SP140: variants seen among roughly 807,000 people sequenced by gnomAD.
The protein encoded by SP140 is SP140 nuclear body protein, also known as nuclear body protein SP140.
In SP140, 81 loss-of-function variants were observed where a neutral mutation model predicts 125.0. The observed-to-expected ratio is 0.65, with a 90% CI of 0.54 to 0.78. The LOEUF is 0.78. Ranked by LOEUF, SP140 falls within the 30% of genes least tolerant of loss-of-function variation. The probability of loss-of-function intolerance (pLI) is 0.00; values close to 1 mark genes in which losing one functional copy is unlikely to be tolerated. For synonymous variants in SP140, 312 were observed against 354.0 expected, an observed-to-expected ratio of 0.88 and a Z score of 1.33; for missense variants, 858 against 1,037.0, an observed-to-expected ratio of 0.83 and a Z score of 2.37.
intron 1 of SP140, chr2:230,213,026 A>G (rs1480935700): frequency 5.0e-6 from 8 of 1,613,784 alleles, no homozygotes; most frequent in Non-Finnish European, 5.9e-6. Context: ...AGGAAGCACC[A>G]ACTGGGATTG....
At chr2:230,210,620 G>A (rs1238484008) in intron 1 of SP140, among the ~76,000 whole-genome samples, 1 of 152,192 alleles carries the variant, frequency 6.6e-6, no homozygotes, top group Non-Finnish European at 1.5e-5. Flanking sequence ...GTGCTTGCTA[G>A]CACCTGTTAA....
At chr2:230,310,712 G>T in intron 23 of SP140, 31 bp from the exon 24 acceptor site, 2 of 1,433,862 alleles carry the variant, frequency 1.4e-6, no homozygotes, top group South Asian at 1.3e-5. Flanking sequence ...CAAGCTCCCT[G>T]CCCTCTGCTC....
downstream of SP140, among the ~76,000 whole-genome samples, chr2:230,315,736 G>C (rs913180886): frequency 6.6e-6 from 1 of 152,120 alleles, no homozygotes; most frequent in African/African-American, 2.4e-5. Context: ...ATAGAGATTA[G>C]TGCCACCTAC....
At chr2:230,248,839 G>T in intron 8 of SP140, 46 bp from the exon 9 acceptor site, 1 of 1,503,066 alleles carries the variant, frequency 6.7e-7, no homozygotes, top group Non-Finnish European at 9.3e-7. Flanking sequence ...TGAGGCCTGT[G>T]TCCAAGTCAC....
chr2:230,248,520 A>G (rs1472541374), intron 8 of SP140, among the ~76,000 whole-genome samples: 1 of 152,206 alleles, frequency 6.6e-6, no homozygotes, highest in African/African-American at 2.4e-5. Context: ...ACAGCATGGA[A>G]ATAGAGCCTG....
At chr2:230,259,407 G>C (rs1242131522) in intron 12 of SP140, among the ~76,000 whole-genome samples, 1 of 151,966 alleles carries the variant, frequency 6.6e-6, no homozygotes, top group Non-Finnish European at 1.5e-5. Flanking sequence ...GCCGGGCACG[G>C]TGGCTCACGC....
Position 230,237,242 on chromosome 2 carries a change from C to T in SP140, c.219C>T (p.Ile73=). 3 of 1,612,082 alleles carry T rather than the reference C, an allele frequency of 1.9e-6. No individual in the cohort carries two copies. The highest frequency in any genetic ancestry group is 2.5e-6 in the Non-Finnish European group (3 of 1,179,390). The change falls in exon 2 of 27, where the codon ATC becomes ATT. Residue 73 remains isoleucine (I), a synonymous_variant. Coordinates refer to ENST00000392045, the MANE Select transcript of SP140 (RefSeq NM_007237.5). This position sits in a 1 kb window ranked among gnomAD's most constrained non-coding sequence, Gnocchi z 5.4. ...FLMGLRDRSF[I]SEQMYEHFQE... ...TGGGCCTCCGAGACCGCTCCTTCAT[C>T]TCCGAGCAGATGTATGAAGTAAGTA...
At position 230,234,197 on chromosome 2, in the gene SP140, G is replaced by A. The variant is rs141104005; in HGVS notation, c.60-2886G>A. On this transcript the variant is annotated intron_variant, in intron 1 of 26. Transcript: ENST00000392045. ...GAACAAACAATTCCCAAATCTCAAC[G>A]GGTCACCAGCCCTCTGCACAGAGGA... is the stretch of plus-strand genomic sequence containing the variant. Among the ~76,000 whole-genome samples the A allele has an allele frequency of 9.5e-3, 1,453 of 152,238 alleles. 18 individuals are homozygous for A. The highest frequency in any genetic ancestry group is 0.032 in the African/African-American group (1,335 of 41,520).
intron 1 of SP140, among the ~76,000 whole-genome samples, chr2:230,227,818 G>A (rs60232929): frequency 0.35 from 52,809 of 151,902 alleles, 9,310 homozygotes; most frequent in South Asian, 0.4. Flanking sequence ...TTCTTTGTTA[G>A]GCTGGCTAGA....
chr2:230,267,772 G>A (rs1236862529), intron 12 of SP140, among the ~76,000 whole-genome samples: 1 of 152,212 alleles, frequency 6.6e-6, no homozygotes, highest in African/African-American at 2.4e-5. Flanking sequence ...GAATGAAGCA[G>A]AAACTGAAAA....
At chr2:230,269,468 T>C in intron 12 of SP140, 64 bp from the exon 13 acceptor site, 1 of 1,022,776 alleles carries the variant, frequency 9.8e-7, no homozygotes, top group Non-Finnish European at 1.6e-6. Flanking sequence ...ATAGCAGCAC[T>C]GGAAACTCTT....
the SP140 span, among the ~76,000 whole-genome samples, chr2:230,194,246 AAG>A: frequency 6.6e-6 from 1 of 152,122 alleles, no homozygotes; most frequent in Non-Finnish European, 1.5e-5. Context: ...TACAGAATCC[AAG>A]AGAATCCCCA....
rs775084074 is a variant in SP140 at position 230,225,925 on chromosome 2, C to T, written c.59+22C>T. ...TCAGGTGGGTCATCGTCTCCTTTCC[C>T]GTCTGTCCTTCATCTCTGGTAGGGT... On this transcript the variant is annotated intron_variant, in intron 1 of 26. Transcript: ENST00000392045. 8 of 1,605,572 alleles carry T rather than the reference C, an allele frequency of 5.0e-6. No individual in the cohort carries two copies. The East Asian group carries it at 6.7e-5, about 13-fold the overall frequency.
In SP140 at chr2:230,225,756, A is replaced by T. The variant is rs1243867905; in HGVS notation, c.-89A>T. On this transcript the variant is annotated 5_prime_UTR_variant, in exon 1 of 27. Transcript: ENST00000392045. The stretch of plus-strand genomic sequence containing the variant: ...CTTTTCTTTTCCTCTTTGACTGAGC[A>T]CCGAGGGGCAGTTGGCAGCTTCACC... The T allele has an allele frequency of 2.8e-6, 3 of 1,083,606 alleles. No homozygotes were observed. The highest frequency in any genetic ancestry group is 4.3e-6 in the Non-Finnish European group (3 of 696,414). The allele number at this position is 1,083,606 out of a possible 1,614,324, so 67.1% of individuals were successfully genotyped here. A position where few individuals can be genotyped will look rare whatever the true frequency, so the allele number is the denominator to read the frequency against.
Position 230,245,916 on chromosome 2 carries a change from A to G in SP140, c.718A>G (p.Lys240Glu). 1 of 1,603,480 alleles carries G rather than the reference A, an allele frequency of 6.2e-7. No individual in the cohort carries two copies. Among genetic ancestry groups the G allele is most frequent in the Non-Finnish European group, 8.5e-7 (1 of 1,170,374 alleles). Reference protein sequence around the residue: ...IDEGESEEMPKLLPYDTEVLE... With the variant: ...IDEGESEEMPELLPYDTEVLE... Reference sequence around the variant, plus strand: ...TGAAGGAGAATCAGAAGAAATGCCCAAGTTACTGCCTTATGATACAGAAGG... The same window carrying G: ...TGAAGGAGAATCAGAAGAAATGCCCGAGTTACTGCCTTATGATACAGAAGG... The change falls in exon 7 of 27, where the codon AAG becomes GAG. Residue 240 changes from lysine to glutamate, a missense_variant. Transcript: ENST00000392045.
At chr2:230,195,793 C>T in the SP140 span, among the ~76,000 whole-genome samples, 1 of 151,744 alleles carries the variant, frequency 6.6e-6, no homozygotes, top group Non-Finnish European at 1.5e-5. Context: ...AGGAGCAGGA[C>T]TGAAAAAAAC....
rs1443747649 is a variant in SP140 at position 230,211,610 on chromosome 2, G to A, written c.-322-2044G>A. 7 of 1,016,596 alleles carry A rather than the reference G, an allele frequency of 6.9e-6. No individual in the cohort carries two copies. Among genetic ancestry groups the A allele is most frequent in the Non-Finnish European group, 1.1e-5 (7 of 635,370 alleles). 63.0% of individuals were successfully genotyped at this position (1,016,596 alleles called of 1,614,324 possible). ...AGGAACAGCAAGCAGGGACCAGAATGAGGAGAAAAGAGAATGCTCTATTCC... is the reference window on the plus strand; with the variant it reads ...AGGAACAGCAAGCAGGGACCAGAATAAGGAGAAAAGAGAATGCTCTATTCC... On this transcript the variant is annotated intron_variant, in intron 1 of 4. Coordinates refer to the SP140 transcript ENST00000456542. This position sits in a 1 kb window ranked among gnomAD's most constrained non-coding sequence, Gnocchi z 4.2.
intron 22 of SP140, among the ~76,000 whole-genome samples, chr2:230,308,560 T>A (rs1362906213): frequency 6.6e-6 from 1 of 152,106 alleles, no homozygotes; most frequent in Non-Finnish European, 1.5e-5. Context: ...TGGGCAGGCA[T>A]CCCACGCCAC....
chr2:230,199,148 ATTTTTT>A (rs113583785), upstream of SP140, among the ~76,000 whole-genome samples: 20,608 of 138,988 alleles, frequency 0.15, 1,925 homozygotes, highest in South Asian at 0.26. Flanking sequence ...TATTATTATT[ATTTTTT>A]TTTTTTTTTA....
Sources: gnomAD v4.1 joint callset for allele counts (sites outside exome capture counted in the v4.1 genomes callset) on GRCh38, gnomAD v4.1.1 for gene constraint, Gnocchi (gnomAD v3.1) non-coding constraint, MANE v1.5 for transcripts, NCBI Gene and HGNC (gene_info 2026-07-23, HGNC 2026-07-21) for gene names.